MGAT4C: variants seen among roughly 807,000 people sequenced by gnomAD.
The protein encoded by MGAT4C is MGAT4 family member C.
Under a neutral mutation model 40.1 loss-of-function variants are expected in MGAT4C, and 19 were observed. The observed-to-expected ratio is 0.47, with a 90% CI of 0.33 to 0.70. The LOEUF is 0.70. Ranked by LOEUF, MGAT4C falls within the 30% of genes least tolerant of loss-of-function variation. MGAT4C has a pLI of 0.02. For missense variants in MGAT4C, 491 were observed against 563.2 expected, an observed-to-expected ratio of 0.87 and a Z score of 1.30; for synonymous variants, 181 against 187.1, an observed-to-expected ratio of 0.97 and a Z score of 0.27.
intron 2 of MGAT4C, among the ~76,000 whole-genome samples, chr12:86,652,574 A>G (rs1215700957): frequency 6.6e-6 from 1 of 151,924 alleles, no homozygotes; most frequent in African/African-American, 2.4e-5. Context: ...TGGAATGCTG[A>G]TAGACTGAAT....
upstream of MGAT4C, among the ~76,000 whole-genome samples, chr12:86,256,696 C>A (rs1404530311): frequency 1.3e-5 from 2 of 151,988 alleles, no homozygotes. Context: ...TGTTAAGTAG[C>A]AGTGTTTATA....
At chr12:86,167,756 G>C (rs901887961) in intron 1 of MGAT4C, among the ~76,000 whole-genome samples, 1 of 152,236 alleles carries the variant, frequency 6.6e-6, no homozygotes, top group East Asian at 1.9e-4. Flanking sequence ...ACCTCTTAAA[G>C]GTCCCTCCTA....
chr12:86,262,290 A>T (rs916570695), intron 4 of MGAT4C, among the ~76,000 whole-genome samples: 8 of 152,106 alleles, frequency 5.3e-5, no homozygotes, highest in Non-Finnish European at 1.2e-4. Context: ...TTATTCTCAC[A>T]TGTCAAGCCA....
chr12:86,487,316 C>T (rs1958036456), intron 2 of MGAT4C, among the ~76,000 whole-genome samples: 1 of 152,138 alleles, frequency 6.6e-6, no homozygotes, highest in African/African-American at 2.4e-5. Context: ...TACATGTATT[C>T]TTTCCTTGAA....
intron 1 of MGAT4C, among the ~76,000 whole-genome samples, chr12:86,764,978 C>G (rs996953173): frequency 6.6e-6 from 1 of 151,712 alleles, no homozygotes; most frequent in Non-Finnish European, 1.5e-5. Flanking sequence ...TCCAAAGGAA[C>G]GCAGTTCCTC....
chr12:86,244,021 G>T (rs1043691731), intron 1 of MGAT4C, among the ~76,000 whole-genome samples: 1 of 152,132 alleles, frequency 6.6e-6, no homozygotes, highest in African/African-American at 2.4e-5. Context: ...GCTGCTGGTG[G>T]TGTTTGTCAT....
At chr12:86,272,632 C>T (rs1000890408) in intron 4 of MGAT4C, among the ~76,000 whole-genome samples, 4 of 152,004 alleles carry the variant, frequency 2.6e-5, no homozygotes, top group Non-Finnish European at 5.9e-5. Flanking sequence ...GGGCAGATTG[C>T]TTGAGCTCAG....
rs560365963 is a variant in MGAT4C at position 86,556,437 on chromosome 12, T to G, written c.-228-121172A>C. 1.6e-4 allele frequency among the ~76,000 whole-genome samples: 25 copies of G among 152,272 alleles called. No individual in the cohort carries two copies. In the East Asian group the frequency reaches 4.8e-3, roughly 29 times the overall value. On this transcript the variant is annotated intron_variant, in intron 2 of 7. Coordinates refer to the MGAT4C transcript ENST00000548651. ...TTTACCTGTTACCTGATCTTTTACATTTTTGCTCTACCAAAAGAGCTGCAG... is the reference window on the plus strand; with the variant it reads ...TTTACCTGTTACCTGATCTTTTACAGTTTTGCTCTACCAAAAGAGCTGCAG...
chr12:86,719,391 A>G (rs1025375749), intron 2 of MGAT4C, among the ~76,000 whole-genome samples: 1 of 152,162 alleles, frequency 6.6e-6, no homozygotes, highest in African/African-American at 2.4e-5. Context: ...ATCTAAAGAG[A>G]CAAGTTATCT....
At chr12:86,089,502 T>C (rs1341118999) in intron 1 of MGAT4C, among the ~76,000 whole-genome samples, 1 of 151,832 alleles carries the variant, frequency 6.6e-6, no homozygotes, top group African/African-American at 2.4e-5. Context: ...ACTGGTTGAA[T>C]TGTCAATGCT....
intron 1 of MGAT4C, among the ~76,000 whole-genome samples, chr12:86,237,890 G>C (rs536960012): frequency 2.0e-5 from 3 of 151,796 alleles, no homozygotes; most frequent in Non-Finnish European, 2.9e-5. Context: ...AATTTTCTTC[G>C]TTCATAATCT....
chr12:86,465,874 C>T (rs1283126182), intron 2 of MGAT4C, among the ~76,000 whole-genome samples: 1 of 152,008 alleles, frequency 6.6e-6, no homozygotes, highest in East Asian at 1.9e-4. Context: ...AATCATGCTC[C>T]TTGATATATA....
intron 1 of MGAT4C, among the ~76,000 whole-genome samples, chr12:86,194,499 G>C (rs922846131): frequency 6.6e-6 from 1 of 151,174 alleles, no homozygotes; most frequent in African/African-American, 2.4e-5. Flanking sequence ...TTGTCGCCCA[G>C]GCTGGAGTGC....
rs1277323616 is a variant in MGAT4C, at chr12:86,164,719, G to T, written c.-57+91520C>A. The stretch of plus-strand genomic sequence containing the variant: ...GTGCATTTGTTTGATGGGCCACAGA[G>T]CACGGTACCCTTGGGGATTTGAAAA... On this transcript the variant is annotated intron_variant, in intron 1 of 4. Coordinates refer to ENST00000611864, the MANE Select transcript of MGAT4C (RefSeq NM_001351288.2). Among the ~76,000 whole-genome samples the T allele has an allele frequency of 6.6e-5, 10 of 152,224 alleles. No homozygotes were observed. The South Asian group carries it at 2.1e-3, about 32-fold the overall frequency.
intron 2 of MGAT4C, among the ~76,000 whole-genome samples, chr12:86,640,439 G>A (rs181207076): frequency 3.3e-5 from 5 of 151,784 alleles, no homozygotes; most frequent in Middle Eastern, 3.4e-3. Flanking sequence ...CTGTGGGATC[G>A]GTGGTGATAT....
At chr12:86,536,141 CT>C (rs944606683) in intron 2 of MGAT4C, among the ~76,000 whole-genome samples, 4 of 152,192 alleles carry the variant, frequency 2.6e-5, no homozygotes, top group Non-Finnish European at 5.9e-5. Flanking sequence ...CAGCATACAC[CT>C]CCAGCTAACC....
intron 1 of MGAT4C, among the ~76,000 whole-genome samples, chr12:86,798,283 C>T (rs949181597): frequency 6.6e-6 from 1 of 151,872 alleles, no homozygotes; most frequent in Admixed American, 6.6e-5. Flanking sequence ...ATTTATAATT[C>T]ACTTTGTAGT....
intron 1 of MGAT4C, among the ~76,000 whole-genome samples, chr12:86,805,860 C>T (rs1593224388): frequency 6.6e-6 from 1 of 151,920 alleles, no homozygotes; most frequent in Admixed American, 6.6e-5. Context: ...GCATTCCTTT[C>T]CCTGCAGCCT....
chr12:86,665,922 C>T (rs764292949), intron 2 of MGAT4C, among the ~76,000 whole-genome samples: 3 of 151,946 alleles, frequency 2.0e-5, no homozygotes, highest in Non-Finnish European at 4.4e-5. Context: ...TCAAGAAGCA[C>T]AAAAATAACA....
Sources: gnomAD v4.1 joint callset for allele counts (sites outside exome capture counted in the v4.1 genomes callset) on GRCh38, gnomAD v4.1.1 for gene constraint, MANE v1.5 for transcripts, NCBI Gene and HGNC (gene_info 2026-07-23, HGNC 2026-07-21) for gene names.